SLC38A4: variants seen among roughly 807,000 people sequenced by gnomAD.
The protein encoded by SLC38A4 is sodium-coupled neutral amino acid transporter 4.
SLC38A4 carries 20 observed loss-of-function variants against 63.1 expected under a neutral mutation model. That is an observed-to-expected ratio of 0.32 (90% CI 0.22 to 0.46). SLC38A4 has a LOEUF of 0.46. Among genes scored for constraint, SLC38A4 ranks in the 20% least tolerant of loss-of-function variants. The pLI is 1.00. For missense variants in SLC38A4, 526 were observed against 663.6 expected, an observed-to-expected ratio of 0.79 and a Z score of 2.28; for synonymous variants, 230 against 225.5, an observed-to-expected ratio of 1.02 and a Z score of -0.18.
intron 1 of SLC38A4, among the ~76,000 whole-genome samples, chr12:46,822,429 T>A (rs995097726): frequency 6.6e-5 from 10 of 152,172 alleles, no homozygotes; most frequent in African/African-American, 1.9e-4. Flanking sequence ...CCCCTTCTTA[T>A]GACAGCAATT....
At chr12:46,810,636 G>A (rs1433759811) in intron 1 of SLC38A4, among the ~76,000 whole-genome samples, 2 of 151,468 alleles carry the variant, frequency 1.3e-5, no homozygotes, top group African/African-American at 4.8e-5. Context: ...TGTTAATCGT[G>A]GTTATTTCCA....
At chr12:46,817,183 C>T (rs1357124515) in intron 1 of SLC38A4, among the ~76,000 whole-genome samples, 1 of 151,766 alleles carries the variant, frequency 6.6e-6, no homozygotes, top group Non-Finnish European at 1.5e-5. Context: ...ATTTTGAGTT[C>T]CCACCTTTTG....
At chr12:46,802,349 T>C (rs1227118101) in intron 2 of SLC38A4, among the ~76,000 whole-genome samples, 2 of 152,034 alleles carry the variant, frequency 1.3e-5, no homozygotes, top group Admixed American at 1.3e-4. Context: ...CTGGATGCAG[T>C]AAGTTCCATT....
At chr12:46,796,603 T>G (rs1042508749) in intron 2 of SLC38A4, among the ~76,000 whole-genome samples, 2 of 152,202 alleles carry the variant, frequency 1.3e-5, no homozygotes, top group South Asian at 4.1e-4. Context: ...GGGAGGAGCA[T>G]CCCACTCCCA....
At chr12:46,783,641 C>G (rs959217254) in intron 7 of SLC38A4, among the ~76,000 whole-genome samples, 2 of 152,014 alleles carry the variant, frequency 1.3e-5, no homozygotes, top group Non-Finnish European at 2.9e-5. Context: ...ATTGGACATG[C>G]AGAGTTGGGG....
chr12:46,796,921 A>G (rs1383464120), intron 2 of SLC38A4, among the ~76,000 whole-genome samples: 8 of 152,122 alleles, frequency 5.3e-5, no homozygotes, highest in Non-Finnish European at 8.8e-5. Context: ...AAGCTACTGC[A>G]GGGCTCCCTA....
At chr12:46,830,271 G>T (rs1337062604), upstream of SLC38A4, among the ~76,000 whole-genome samples, 1 of 149,330 alleles carries the variant, frequency 6.7e-6, no homozygotes, top group Non-Finnish European at 1.5e-5. Flanking sequence ...TTATTTGTTA[G>T]AATTTAAGAA....
Position 46,825,313 on chromosome 12 carries a change from T to TTATATATATATATATATATATA in SLC38A4, c.-305+589_-305+590insTATATATATATATATATATATA, listed in dbSNP as rs34878223. 1.9e-3 allele frequency among the ~76,000 whole-genome samples: 273 copies of TTATATATATATATATATATATA among 140,454 alleles called. 1 individual carries two copies. The highest frequency in any genetic ancestry group is 6.1e-3 in the African/African-American group (233 of 38,494). 92.1% of individuals were successfully genotyped at this position (140,454 alleles called of 152,430 possible). ...TTATAATTACTTTAATATACAAAGT[T>TTATATATATATATATATATATA]TATATATATATATATATTCCTTACA... On this transcript the variant is annotated intron_variant, in intron 1 of 16. Transcript: ENST00000266579.
chr12:46,776,655 TA>T (rs1470109300), intron 13 of SLC38A4, among the ~76,000 whole-genome samples: 1 of 151,986 alleles, frequency 6.6e-6, no homozygotes, highest in Non-Finnish European at 1.5e-5. Flanking sequence ...TAGAGGAAAA[TA>T]ATTTTGTTTG....
chr12:46,830,646 C>A (rs1939719575), upstream of SLC38A4, among the ~76,000 whole-genome samples: 1 of 152,148 alleles, frequency 6.6e-6, no homozygotes, highest in Non-Finnish European at 1.5e-5. Flanking sequence ...TGCCCACCCG[C>A]CCCCGTCCGC....
intron 4 of SLC38A4, 142 bp from the exon 5 acceptor site, chr12:46,788,173 A>C: frequency 1.6e-6 from 1 of 616,460 alleles, no homozygotes; most frequent in East Asian, 2.8e-5. Context: ...GCCATTACTC[A>C]ACATCAATAA....
upstream of SLC38A4, among the ~76,000 whole-genome samples, chr12:46,830,298 T>TCTCTCA (rs1180274940): frequency 5.4e-5 from 8 of 148,296 alleles, no homozygotes; most frequent in African/African-American, 2.0e-4. Context: ...TCTCTCTCTC[T>TCTCTCA]CACACACACA....
At chr12:46,816,606 G>T (rs1939446598) in intron 1 of SLC38A4, among the ~76,000 whole-genome samples, 1 of 151,764 alleles carries the variant, frequency 6.6e-6, no homozygotes, top group Non-Finnish European at 1.5e-5. Flanking sequence ...AGCATATTTG[G>T]TGGCCTAAAC....
chr12:46,829,039 A>T (rs1039175735), upstream of SLC38A4, among the ~76,000 whole-genome samples: 1 of 152,166 alleles, frequency 6.6e-6, no homozygotes, highest in Non-Finnish European at 1.5e-5. Flanking sequence ...GAGCTTTTGC[A>T]TAGGATGAAT....
intron 16 of SLC38A4, among the ~76,000 whole-genome samples, chr12:46,767,497 A>G (rs1938325654): frequency 6.6e-6 from 1 of 152,024 alleles, no homozygotes; most frequent in Admixed American, 6.6e-5. Context: ...GTAATTTGCC[A>G]AGGTCACACT....
At position 46,807,597 on chromosome 12, in the gene SLC38A4, AT is replaced by A. The variant is rs1026410361; in HGVS notation, c.-304-3804del. On this transcript the variant is annotated intron_variant, in intron 1 of 16. Coordinates refer to ENST00000266579, the MANE Select transcript of SLC38A4 (RefSeq NM_018018.5). The stretch of plus-strand genomic sequence containing the variant: ...TGATGTCATTGTTTTGGCACTTCAA[AT>A]TCTTCATTTTATTTCTCTTTTAATA... Among the ~76,000 whole-genome samples the A allele has an allele frequency of 3.2e-4, 48 of 152,136 alleles. 1 individual carries two copies. The highest frequency in any genetic ancestry group is 1.1e-3 in the African/African-American group (47 of 41,558).
chr12:46,770,872 T>C (rs888982556), intron 14 of SLC38A4, among the ~76,000 whole-genome samples: 1 of 152,096 alleles, frequency 6.6e-6, no homozygotes, highest in Non-Finnish European at 1.5e-5. Context: ...GGTGCAGAGA[T>C]GGGAACTCAT....
At chr12:46,831,593 G>GC (rs1308097163) in intron 1 of SLC38A4, among the ~76,000 whole-genome samples, 1 of 152,212 alleles carries the variant, frequency 6.6e-6, no homozygotes, top group Non-Finnish European at 1.5e-5. Context: ...GAGACCAGGG[G>GC]CCCACATCCA....
At chr12:46,832,135 AT>A (rs1243848669) in intron 1 of SLC38A4, among the ~76,000 whole-genome samples, 2 of 152,080 alleles carry the variant, frequency 1.3e-5, no homozygotes, top group Non-Finnish European at 2.9e-5. Context: ...AATAATAAGA[AT>A]TAGGAACTAT....
Sources: gnomAD v4.1 joint callset for allele counts (sites outside exome capture counted in the v4.1 genomes callset) on GRCh38, gnomAD v4.1.1 for gene constraint, MANE v1.5 for transcripts, NCBI Gene and HGNC (gene_info 2026-07-23, HGNC 2026-07-21) for gene names.